Variants in WNK2 observed in about 807,000 individuals in gnomAD.
WNK2 encodes serine/threonine-protein kinase WNK2.
Under a neutral mutation model 192.1 loss-of-function variants are expected in WNK2, and 67 were observed. The observed-to-expected ratio is 0.35, with a 90% CI of 0.29 to 0.43. The LOEUF is 0.43. Ranked by LOEUF, WNK2 falls within the 20% of genes least tolerant of loss-of-function variation. WNK2 has a pLI of 1.00. For synonymous variants in WNK2, 1,439 were observed against 1,393.9 expected (o/e 1.03, Z -0.72); for missense variants, 2,698 against 3,089.7 (o/e 0.87, Z 3.01).
At position 93,247,916 on chromosome 9, in the gene WNK2, A is replaced by G; in HGVS notation, c.1834+82A>G. The G allele has an allele frequency of 1.4e-6, 2 of 1,420,858 alleles. No homozygotes were observed. The highest frequency in any genetic ancestry group is 1.4e-5 in the African/African-American group (1 of 70,176). 88.0% of individuals were successfully genotyped at this position (1,420,858 alleles called of 1,614,324 possible). ...CCAGCTATTGGGCAAAGAAAAATGA[A>G]GTCCTCTCCCTTTATTGGAATGCTT... On this transcript the variant is annotated intron_variant, in intron 8 of 29. Coordinates refer to ENST00000427277, the MANE Select transcript of WNK2 (RefSeq NM_006648.4). This position sits in a 1 kb window ranked among gnomAD's most constrained non-coding sequence, Gnocchi z 5.2.
chr9:93,222,566 C>T (rs990395984), intron 2 of WNK2, among the ~76,000 whole-genome samples: 7 of 152,172 alleles, frequency 4.6e-5, no homozygotes, highest in Admixed American at 1.3e-4. Context: ...AGGTCACCGG[C>T]GTCAGGGTCC....
intron 2 of WNK2, among the ~76,000 whole-genome samples, chr9:93,188,696 C>G (rs1317941359): frequency 6.6e-6 from 1 of 152,224 alleles, no homozygotes; most frequent in Non-Finnish European, 1.5e-5. Context: ...TACTGTCAGA[C>G]AGGGTGCGGG....
chr9:93,317,533 G>A lies in WNK2; in HGVS notation c.6530G>A (p.Arg2177Gln), dbSNP rs764354486. 2.2e-5 allele frequency: 36 copies of A among 1,613,584 alleles called. No individual in the cohort carries two copies. Among genetic ancestry groups the A allele is most frequent in the East Asian group, 8.9e-5 (4 of 44,884 alleles). Residue 2177 changes from arginine to glutamine, a missense_variant, in exon 29 of 30, where the codon CGA becomes CAA. Physicochemically the swap from Arg to Gln is conservative, Grantham distance 43. Around this residue, in one of 7 missense-constraint regions of WNK2, gnomAD observed 167 missense variants for 184.2 expected, o/e 0.91. Coordinates refer to ENST00000427277, the MANE Select transcript of WNK2 (RefSeq NM_006648.4). The stretch of plus-strand genomic sequence containing the variant: ...TGTGTTTTGTAGATGACCGCACCTC[G>A]AGCAGGAGTGGGGATGCCACGTCTG... ...PGEARAMTAP[R>Q]AGVGMPRLPP...
At chr9:93,205,461 G>C (rs1421676919) in intron 2 of WNK2, among the ~76,000 whole-genome samples, 1 of 152,128 alleles carries the variant, frequency 6.6e-6, no homozygotes, top group African/African-American at 2.4e-5. Flanking sequence ...GTTCCTGGGG[G>C]CCCACCCTGC....
rs149576658 is a variant in WNK2, at chr9:93,258,955, C to G, written c.2407C>G (p.Pro803Ala). The change falls in exon 12 of 30, where the codon CCC (proline) becomes GCC (alanine). Residue 803 changes from proline to alanine, a missense_variant. Transcript: ENST00000427277. ...GATGCCCCCGATTCCTGTTGTGCCC[C>G]CCATCACGCCCCTGGCGGGAATCGA... ...PQMPPIPVVP[P>A]ITPLAGIDGL... 14 of 1,612,582 alleles carry G rather than the reference C, an allele frequency of 8.7e-6. No homozygotes were observed. Among genetic ancestry groups the G allele is most frequent in the African/African-American group, 1.3e-5 (1 of 74,882 alleles).
At chr9:93,272,695 G>A (rs1231802271) in intron 19 of WNK2, among the ~76,000 whole-genome samples, 2 of 120,092 alleles carry the variant, frequency 1.7e-5, no homozygotes, top group South Asian at 2.5e-4. Flanking sequence ...CCGAGATCGC[G>A]CCATTGCACT....
rs1852986424 is a variant in WNK2, at chr9:93,308,312, G to C, written c.6260-16G>C. 6.4e-7 allele frequency: 1 copy of C among 1,550,414 alleles called. No individual in the cohort carries two copies. On this transcript the variant is annotated splice_polypyrimidine_tract_variant and intron_variant, in intron 27 of 29. Coordinates refer to ENST00000427277, the MANE Select transcript of WNK2 (RefSeq NM_006648.4). ...TGTGTGGCGTCACCAATCCTGGCCT[G>C]TGTGTGACTCCCCAGGGTCCTCCAC...
intron 28 of WNK2, among the ~76,000 whole-genome samples, chr9:93,311,242 C>A (rs1008486116): frequency 6.6e-6 from 1 of 152,282 alleles, no homozygotes; most frequent in South Asian, 2.1e-4. Context: ...GTAGCATGTC[C>A]GAATTTCCTT....
At chr9:93,277,533 G>C (rs958886979) in intron 19 of WNK2, among the ~76,000 whole-genome samples, 1 of 152,178 alleles carries the variant, frequency 6.6e-6, no homozygotes. Flanking sequence ...TTGGTAAATT[G>C]ATCAACATGG....
chr9:93,300,941 C>T (rs572427795), intron 26 of WNK2, among the ~76,000 whole-genome samples: 1 of 152,358 alleles, frequency 6.6e-6, no homozygotes, highest in East Asian at 1.9e-4. Context: ...CCTCCTCCTC[C>T]TCCAGCCAGT....
intron 26 of WNK2, 182 bp downstream of exon 26, chr9:93,300,331 C>T (rs1049158570): frequency 1.6e-5 from 9 of 557,720 alleles, no homozygotes; most frequent in South Asian, 1.1e-4. Context: ...CGGCCGCCAG[C>T]GCCTACCCCC....
chr9:93,231,450 T>C (rs1179163401), intron 4 of WNK2, among the ~76,000 whole-genome samples: 2 of 152,332 alleles, frequency 1.3e-5, no homozygotes, highest in African/African-American at 4.8e-5. Flanking sequence ...TCTGATTGTC[T>C]AGCAGGGGAG....
chr9:93,307,109 G>A (rs1473695257), intron 27 of WNK2: 4 of 504,232 alleles, frequency 7.9e-6, no homozygotes, highest in Admixed American at 7.0e-5. Context: ...ATCATTAATT[G>A]GCTCCTTTTC....
intron 19 of WNK2, among the ~76,000 whole-genome samples, chr9:93,287,198 C>T (rs1217493907): frequency 6.6e-6 from 1 of 152,208 alleles, no homozygotes. Flanking sequence ...TAAAGAGCCA[C>T]AATAAGACGC....
intron 28 of WNK2, among the ~76,000 whole-genome samples, chr9:93,311,727 G>A (rs1267046333): frequency 6.6e-6 from 1 of 151,822 alleles, no homozygotes; most frequent in African/African-American, 2.4e-5. Context: ...CTAGGTTCAA[G>A]CAATTCTCCT....
rs1843464863 is a variant in WNK2, at chr9:93,257,286, G to C, written c.2382+147G>C. On this transcript the variant is annotated intron_variant, in intron 11 of 29. Transcript: ENST00000427277. This position sits in a 1 kb window ranked among gnomAD's most constrained non-coding sequence, Gnocchi z 4.7. ...TGGCCAGGGAGTTGGGGCTGGGCTG[G>C]GGAGTCCGGGCTGGGCAGTGTGCAC... 1.2e-6 allele frequency: 1 copy of C among 821,108 alleles called. No homozygotes were observed. The highest frequency in any genetic ancestry group is 2.8e-5 in the East Asian group (1 of 35,650). 50.9% of individuals were successfully genotyped at this position (821,108 alleles called of 1,614,324 possible).
intron 2 of WNK2, among the ~76,000 whole-genome samples, chr9:93,198,239 G>A (rs74818608): frequency 0.025 from 3,865 of 152,322 alleles, 151 homozygotes; most frequent in African/African-American, 0.087. Context: ...TTGGGTGCCT[G>A]AGGCACCTGA....
Position 93,318,804 on chromosome 9 carries a change from C to A in WNK2, c.6628+1173C>A. 3.5e-6 allele frequency: 5 copies of A among 1,410,928 alleles called. No individual in the cohort carries two copies. In the South Asian group the frequency reaches 8.0e-5, roughly 23 times the overall value. 87.4% of individuals were successfully genotyped at this position (1,410,928 alleles called of 1,614,324 possible). Reference sequence around the variant, plus strand: ...CTGGAGATTTCAGTGGGACTCGTCCCCAGTGGGCACAACACAGCCCTTGGT... The same window carrying A: ...CTGGAGATTTCAGTGGGACTCGTCCACAGTGGGCACAACACAGCCCTTGGT... On this transcript the variant is annotated intron_variant, in intron 29 of 29. Transcript: ENST00000427277.
intron 1 of WNK2, 155 bp from the exon 2 acceptor site, chr9:93,184,773 C>G (rs1828966312): frequency 1.0e-5 from 6 of 598,008 alleles, no homozygotes; most frequent in Non-Finnish European, 4.8e-6. Flanking sequence ...CTGCAGCCCC[C>G]CTTTCCCAGG....
Sources: allele counts gnomAD v4.1 joint callset (sites outside exome capture counted in the v4.1 genomes callset), GRCh38; gene constraint gnomAD v4.1.1; regional missense constraint gnomAD v4.1.1; non-coding constraint Gnocchi (gnomAD v3.1); transcripts MANE v1.5; gene names NCBI Gene and HGNC (gene_info 2026-07-23, HGNC 2026-07-21).